Variants in RORA observed in about 807,000 individuals in gnomAD.
The protein encoded by RORA is RAR related orphan receptor A.
Under a neutral mutation model 69.5 loss-of-function variants are expected in RORA, and 7 were observed. The observed-to-expected ratio is 0.10, with a 90% confidence interval of 0.06 to 0.19. RORA has a LOEUF of 0.19. Ranked by LOEUF, RORA falls within the 10% of genes least tolerant of loss-of-function variation. The pLI is 1.00. For missense variants in RORA, 457 were observed against 663.0 expected (o/e 0.69, Z 3.41); for synonymous variants, 261 against 240.8 (o/e 1.08, Z -0.78).
intron 1 of RORA, among the ~76,000 whole-genome samples, chr15:61,186,377 A>G (rs1475850438): frequency 6.6e-6 from 1 of 152,120 alleles, no homozygotes; most frequent in African/African-American, 2.4e-5. Flanking sequence ...ACGGTGGCTC[A>G]TGCCTGTAAT....
At chr15:60,499,842 G>T in intron 10 of RORA, 50 bp downstream of exon 10, 1 of 1,002,330 alleles carries the variant, frequency 1.0e-6, no homozygotes, top group Non-Finnish European at 1.5e-6. Flanking sequence ...AGCATGATTT[G>T]TGCCAGGGGA....
chr15:60,690,138 A>T (rs896055426), intron 1 of RORA, among the ~76,000 whole-genome samples: 7 of 152,160 alleles, frequency 4.6e-5, no homozygotes, highest in African/African-American at 1.7e-4. Context: ...TCCTCCAAAA[A>T]CAGAGTGCAG....
chr15:60,906,081 T>C (rs1309924020), intron 1 of RORA, among the ~76,000 whole-genome samples: 3 of 152,232 alleles, frequency 2.0e-5, no homozygotes, highest in Non-Finnish European at 4.4e-5. Context: ...GGAAGATTTT[T>C]ATACTGGACT....
chr15:60,859,130 T>G (rs747215302), intron 1 of RORA, among the ~76,000 whole-genome samples: 1 of 152,142 alleles, frequency 6.6e-6, no homozygotes, highest in Non-Finnish European at 1.5e-5. Flanking sequence ...GCTTCCTTAC[T>G]TGCTCACCTG....
chr15:61,179,850 C>A (rs868346557), intron 1 of RORA, among the ~76,000 whole-genome samples: 4 of 152,210 alleles, frequency 2.6e-5, no homozygotes, highest in African/African-American at 9.6e-5. Context: ...GAAGACAAAA[C>A]CGTAGGCTGG....
At chr15:61,036,694 G>A (rs1485263759) in intron 1 of RORA, among the ~76,000 whole-genome samples, 2 of 149,628 alleles carry the variant, frequency 1.3e-5, no homozygotes, top group Non-Finnish European at 3.0e-5. Context: ...AAGTTAGGCA[G>A]TACAAAGAAA....
chr15:61,176,260 C>G (rs1039090583), intron 1 of RORA: 1 of 152,188 alleles, frequency 6.6e-6, no homozygotes, highest in Admixed American at 6.5e-5. Flanking sequence ...ATTTGGTGTT[C>G]CTTCTGCGAA....
At chr15:60,765,872 C>T (rs373785940) in intron 1 of RORA, among the ~76,000 whole-genome samples, 4 of 151,958 alleles carry the variant, frequency 2.6e-5, no homozygotes, top group African/African-American at 9.7e-5. Flanking sequence ...CCACCTAACC[C>T]CCCAATATCG....
chr15:60,709,002 G>T (rs1434965640), intron 1 of RORA, among the ~76,000 whole-genome samples: 1 of 152,226 alleles, frequency 6.6e-6, no homozygotes, highest in Non-Finnish European at 1.5e-5. Flanking sequence ...TGAGCAGCTA[G>T]TCATTCCTAT....
chr15:60,997,290 A>G (rs1894582782), intron 1 of RORA, among the ~76,000 whole-genome samples: 1 of 152,180 alleles, frequency 6.6e-6, no homozygotes, highest in East Asian at 1.9e-4. Flanking sequence ...TCGGATTTAT[A>G]GGGTCTATTC....
chr15:60,556,359 G>A (rs576482175), intron 2 of RORA, among the ~76,000 whole-genome samples: 2 of 152,140 alleles, frequency 1.3e-5, no homozygotes, highest in African/African-American at 4.8e-5. Flanking sequence ...ATAGAAACAG[G>A]GAGGAGAAAA....
At chr15:60,532,973 A>C (rs2066571070) in intron 2 of RORA, among the ~76,000 whole-genome samples, 1 of 152,226 alleles carries the variant, frequency 6.6e-6, no homozygotes, top group South Asian at 2.1e-4. Flanking sequence ...TGTCCAAAGA[A>C]TATGTCACAT....
chr15:60,947,469 T>A (rs372119339), intron 1 of RORA, among the ~76,000 whole-genome samples: 4,772 of 151,770 alleles, frequency 0.031, 226 homozygotes, highest in African/African-American at 0.11. Context: ...AAGATGTGCT[T>A]TGTTAAACAG....
chr15:60,590,693 T>G (rs1269102121), intron 2 of RORA, among the ~76,000 whole-genome samples: 2 of 151,256 alleles, frequency 1.3e-5, no homozygotes, highest in Non-Finnish European at 2.9e-5. Flanking sequence ...GCATAAAAGT[T>G]TTTTGGGGGG....
Position 60,493,492 on chromosome 15 carries a change from T to G in RORA, c.*3963A>C, listed in dbSNP as rs578102946. The G allele has an allele frequency of 2.0e-5, 3 of 152,332 alleles. No individual in the cohort carries two copies. Among genetic ancestry groups the G allele is most frequent in the East Asian group, 3.9e-4 (2 of 5,184 alleles). 9.4% of individuals were successfully genotyped at this position (152,332 alleles called of 1,614,324 possible). ...CTTTTCATGAAAGATACTACTAGGT[T>G]GTTTTGCATTTTGGAATGTCGGAAC... On this transcript the variant is annotated 3_prime_UTR_variant, in exon 11 of 11. Transcript: ENST00000335670.
At chr15:60,857,240 A>C (rs755741234) in intron 1 of RORA, among the ~76,000 whole-genome samples, 1 of 152,198 alleles carries the variant, frequency 6.6e-6, no homozygotes, top group Non-Finnish European at 1.5e-5. Flanking sequence ...AGAACATGTT[A>C]GGGAAAGCTT....
intron 3 of RORA, among the ~76,000 whole-genome samples, chr15:60,517,390 A>C (rs146318846): frequency 2.0e-3 from 300 of 151,266 alleles, no homozygotes; most frequent in African/African-American, 6.7e-3. Flanking sequence ...TTGTACTTTA[A>C]CTCTACCCTT....
At chr15:60,746,146 A>T (rs768486092) in intron 1 of RORA, among the ~76,000 whole-genome samples, 51 of 152,226 alleles carry the variant, frequency 3.4e-4, no homozygotes, top group Non-Finnish European at 7.1e-4. Flanking sequence ...TGTCCAACAC[A>T]GTCTCTGGGC....
intron 1 of RORA, among the ~76,000 whole-genome samples, chr15:60,876,314 G>GTT (rs1567222228): frequency 2.0e-4 from 20 of 99,484 alleles, no homozygotes; most frequent in Admixed American, 1.8e-3. Flanking sequence ...CAGGAAGTGG[G>GTT]GGGGGGGGGG....
Sources: allele counts gnomAD v4.1 joint callset (sites outside exome capture counted in the v4.1 genomes callset), GRCh38; gene constraint gnomAD v4.1.1; transcripts MANE v1.5; gene names NCBI Gene and HGNC (gene_info 2026-07-23, HGNC 2026-07-21).